The following PAX1 variants were observed in gnomAD, a reference collection of about 807,000 sequenced individuals.
PAX1 encodes paired box 1.
Under a neutral mutation model 35.6 loss-of-function variants are expected in PAX1, and 18 were observed. That is an observed-to-expected ratio of 0.50 (90% CI 0.35 to 0.75). The LOEUF (loss-of-function observed/expected upper bound fraction) is 0.75, where lower values mean the gene tolerates loss of function less well. PAX1 is among the 30% of genes least tolerant of loss of function. The probability of loss-of-function intolerance (pLI) is 0.01; values close to 1 mark genes in which losing one functional copy is unlikely to be tolerated. For synonymous variants in PAX1, 397 were observed against 305.2 expected, an observed-to-expected ratio of 1.30 and a Z score of -3.14; for missense variants, 760 against 661.5, an observed-to-expected ratio of 1.15 and a Z score of -1.63.
rs929136580 is a variant in PAX1, at chr20:21,708,628, G to A, written c.987G>A (p.Thr329=). 5 of 1,613,444 alleles carry A rather than the reference G, an allele frequency of 3.1e-6. No individual in the cohort carries two copies. The African/African-American group carries it at 5.3e-5, about 17-fold the overall frequency. The change falls in exon 3 of 5, where the codon ACG becomes ACA. Residue 329 remains threonine, a synonymous_variant. Transcript: ENST00000613128. ...KMEDWAGVNR[T]AFPATPAVNG... is the part of the protein sequence containing the mutation. Reference sequence around the variant, plus strand: ...AAGACTGGGCCGGCGTGAACCGCACGGCCTTCCCCGCCACCCCCGCAGTGA... The same window carrying A: ...AAGACTGGGCCGGCGTGAACCGCACAGCCTTCCCCGCCACCCCCGCAGTGA...
intron 4 of PAX1, among the ~76,000 whole-genome samples, chr20:21,709,923 T>A (rs1229773595): frequency 5.3e-5 from 8 of 151,994 alleles, no homozygotes; most frequent in Non-Finnish European, 1.5e-5. Context: ...ACCCTTCCCG[T>A]CTCTGCCCCA....
chr20:21,708,417 G>T (rs1394309360), intron 2 of PAX1, 141 bp from the exon 3 acceptor site: 2 of 938,648 alleles, frequency 2.1e-6, no homozygotes, highest in Non-Finnish European at 1.8e-6. Context: ...AGTCCCTGCC[G>T]CCTCCTGGTG....
At chr20:21,711,661 T>C (rs1985201958) in intron 4 of PAX1, among the ~76,000 whole-genome samples, 1 of 152,222 alleles carries the variant, frequency 6.6e-6, no homozygotes, top group Non-Finnish European at 1.5e-5. Context: ...GGGGACACCA[T>C]TAGCAATGAT....
intron 4 of PAX1, among the ~76,000 whole-genome samples, chr20:21,709,727 G>A (rs1264157564): frequency 1.3e-5 from 2 of 152,054 alleles, no homozygotes; most frequent in African/African-American, 4.8e-5. Flanking sequence ...CACACAGGAC[G>A]CGTGGGTTTG....
intron 4 of PAX1, among the ~76,000 whole-genome samples, chr20:21,710,918 C>A (rs1024200531): frequency 6.6e-6 from 1 of 152,118 alleles, no homozygotes; most frequent in Admixed American, 6.5e-5. Context: ...AGGATACTAT[C>A]ATTTACTCAT....
At position 21,709,282 on chromosome 20, in the gene PAX1, A is replaced by C. The variant is rs759267201; in HGVS notation, c.1120A>C (p.Asn374His). The part of the protein sequence containing the change: ...FLPACAYPAS[N>H]QHGVYSAPGG... Reference sequence around the variant, plus strand: ...CCCCGCCTGCGCCTACCCGGCCTCCAACCAGCACGGCGTGTACAGCGCCCC... The same window carrying C: ...CCCCGCCTGCGCCTACCCGGCCTCCCACCAGCACGGCGTGTACAGCGCCCC... The change falls in exon 4 of 5, where the codon AAC (asparagine) becomes CAC (histidine). Residue 374 changes from asparagine (N) to histidine (H), a missense_variant. Asn to His is a moderately conservative substitution (Grantham distance 68, BLOSUM62 1). This residue lies in a region of PAX1 where 490 missense variants were observed against 428.4 expected (regional missense o/e 1.14). Coordinates refer to ENST00000613128, the MANE Select transcript of PAX1 (RefSeq NM_001257096.2). 1 of 1,605,462 alleles carries C rather than the reference A, an allele frequency of 6.2e-7. No individual in the cohort carries two copies. The highest frequency in any genetic ancestry group is 8.5e-7 in the Non-Finnish European group (1 of 1,179,674).
In PAX1 at chr20:21,706,560, A is replaced by C; in HGVS notation, c.409A>C (p.Ser137Arg). 6.2e-7 allele frequency: 1 copy of C among 1,612,322 alleles called. No individual in the cohort carries two copies. Among genetic ancestry groups the C allele is most frequent in the Non-Finnish European group, 8.5e-7 (1 of 1,179,998 alleles). ...GCTGGGCATCCGACCCTGTGACATC[A>C]GTCGGCAGCTCCGCGTATCCCACGG... ...AQLGIRPCDI[S>R]RQLRVSHGCV... Residue 137 changes from serine (S) to arginine (R), a missense_variant, in exon 2 of 5, where the codon AGT becomes CGT. Coordinates refer to ENST00000613128, the MANE Select transcript of PAX1 (RefSeq NM_001257096.2). The surrounding 1 kb of genome is among the most constrained non-coding windows in gnomAD (Gnocchi z 5.3).
rs1390951755 is a variant in PAX1 at position 21,714,605 on chromosome 20, G to A, written c.*43G>A. 1.3e-6 allele frequency: 2 copies of A among 1,556,624 alleles called. No homozygotes were observed. Among genetic ancestry groups the A allele is most frequent in the African/African-American group, 1.4e-5 (1 of 73,606 alleles). ...CCCGAGCCCGGAGGGAACGGCAGGC[G>A]GACCCGGGCGCACAGGTCTGCGCGG... On this transcript the variant is annotated 3_prime_UTR_variant, in exon 5 of 5. Coordinates refer to ENST00000613128, the MANE Select transcript of PAX1 (RefSeq NM_001257096.2).
Position 21,708,574 on chromosome 20 carries a change from C to A in PAX1, c.933C>A (p.Ser311Arg), listed in dbSNP as rs1213639700. ...CTCCTGCAGGGGCCCTGGCTGGGAG[C>A]GAAGGCACCGCTTACTCTCCCAAGA... Reference protein sequence around the residue: ...FMEQTGALAGSEGTAYSPKME... With the variant: ...FMEQTGALAGREGTAYSPKME... Residue 311 changes from serine (S) to arginine (R), a missense_variant, in exon 3 of 5, where the codon AGC (serine) becomes AGA (arginine). Physicochemically the swap from Ser to Arg is moderately radical, Grantham distance 110. Coordinates refer to ENST00000613128, the MANE Select transcript of PAX1 (RefSeq NM_001257096.2). 6.2e-7 allele frequency: 1 copy of A among 1,613,730 alleles called. No homozygotes were observed. The highest frequency in any genetic ancestry group is 1.7e-5 in the Admixed American group (1 of 60,036).
chr20:21,713,603 C>G (rs755489700), intron 4 of PAX1, among the ~76,000 whole-genome samples: 2 of 152,158 alleles, frequency 1.3e-5, no homozygotes, highest in Non-Finnish European at 2.9e-5. Context: ...TAGGTATAAA[C>G]AAACTGTGGA....
chr20:21,711,473 A>T (rs191568236), intron 4 of PAX1, among the ~76,000 whole-genome samples: 1 of 152,258 alleles, frequency 6.6e-6, no homozygotes, highest in African/African-American at 2.4e-5. Flanking sequence ...ATACAGGGTC[A>T]TTGAATGGTG....
chr20:21,707,216 TGGGC>T lies in PAX1; in HGVS notation c.916+150_916+153del, dbSNP rs1395007395. 2.5e-4 allele frequency: 222 copies of T among 880,680 alleles called. 3 individuals carry two copies. The Middle Eastern group carries it at 9.1e-3, about 36-fold the overall frequency. 54.6% of individuals were successfully genotyped at this position (880,680 alleles called of 1,614,324 possible). ...CACTGGCCAGGGAGGCTGGGGGTCC[TGGGC>T]CTTTTGTAAGAGACCTCGGACATCT... On this transcript the variant is annotated intron_variant, in intron 2 of 4. Transcript: ENST00000613128.
At chr20:21,707,142 C>T (rs1037206256) in intron 2 of PAX1, 75 bp downstream of exon 2, 5 of 1,556,788 alleles carry the variant, frequency 3.2e-6, no homozygotes, top group East Asian at 4.6e-5. Context: ...GGAGAGGACT[C>T]ACACTCGCTC....
rs1157724772 is a variant in PAX1, at chr20:21,705,994, T to A, written c.282T>A (p.Ala94=). The change falls in exon 1 of 5, where the codon GCT becomes GCA. Residue 94 remains alanine (A), a synonymous_variant. Transcript: ENST00000613128. ...CCAGGCAGCTGGCCGGCCCGCTCGC[T>A]ATGGGTAAGGGGCGGGCGACAGGCA... is the stretch of plus-strand genomic sequence containing the variant. The part of the protein sequence containing the change: ...PGARQLAGPL[A]MEQTYGEVNQ... 2.7e-6 allele frequency: 4 copies of A among 1,476,642 alleles called. No individual in the cohort carries two copies. The highest frequency in any genetic ancestry group is 2.7e-6 in the Non-Finnish European group (3 of 1,122,222). 91.5% of individuals were successfully genotyped at this position (1,476,642 alleles called of 1,614,324 possible).
intron 4 of PAX1, among the ~76,000 whole-genome samples, chr20:21,709,922 G>A (rs1985146807): frequency 1.3e-5 from 2 of 151,948 alleles, no homozygotes; most frequent in Non-Finnish European, 2.9e-5. Context: ...GACCCTTCCC[G>A]TCTCTGCCCC....
rs1315529240 is a variant in PAX1, at chr20:21,716,235, G to C, written c.*1673G>C. 1 of 151,998 alleles carries C rather than the reference G, an allele frequency of 6.6e-6. No homozygotes were observed. The highest frequency in any genetic ancestry group is 1.9e-4 in the East Asian group (1 of 5,176). 9.4% of individuals were successfully genotyped at this position (151,998 alleles called of 1,614,324 possible). A position where few individuals can be genotyped will look rare whatever the true frequency, so the allele number is the denominator to read the frequency against. On this transcript the variant is annotated 3_prime_UTR_variant, in exon 5 of 5. Coordinates refer to ENST00000613128, the MANE Select transcript of PAX1 (RefSeq NM_001257096.2). ...CCCAGGCTACCAAGTAATCTAGGGG[G>C]TTTGCACTACAAAGGGGCTTCCGGC...
Position 21,706,693 on chromosome 20 carries a change from T to A in PAX1, c.542T>A (p.Ile181Asn). Residue 181 changes from isoleucine (I) to asparagine (N), a missense_variant, in exon 2 of 5, where the codon ATC becomes AAC. Physicochemically the swap from Ile to Asn is moderately radical, Grantham distance 149. This residue lies in a region of PAX1 where 490 missense variants were observed against 428.4 expected (regional missense o/e 1.14). Transcript: ENST00000613128. This position sits in a 1 kb window ranked among gnomAD's most constrained non-coding sequence, Gnocchi z 5.3. Reference protein sequence around the residue: ...RVTTPNVVKHIRDYKQGDPGI... With the variant: ...RVTTPNVVKHNRDYKQGDPGI... ...ACCACTCCCAACGTGGTCAAGCACA[T>A]CCGGGACTACAAGCAAGGAGACCCT... is the stretch of plus-strand genomic sequence containing the variant. 6.2e-7 allele frequency: 1 copy of A among 1,613,294 alleles called. No homozygotes were observed. Among genetic ancestry groups the A allele is most frequent in the Non-Finnish European group, 8.5e-7 (1 of 1,180,016 alleles).
intron 4 of PAX1, among the ~76,000 whole-genome samples, chr20:21,711,219 A>G (rs1236078030): frequency 6.6e-6 from 1 of 152,266 alleles, no homozygotes; most frequent in Non-Finnish European, 1.5e-5. Context: ...AGACTTAGAA[A>G]AAAGACCCAC....
chr20:21,713,384 G>C (rs112431044), intron 4 of PAX1, among the ~76,000 whole-genome samples: 2 of 137,690 alleles, frequency 1.5e-5, no homozygotes, highest in Admixed American at 1.4e-4. Flanking sequence ...TTTTTTTTTT[G>C]TGTGTGTGTG....
Sources: gnomAD v4.1 joint callset for allele counts (sites outside exome capture counted in the v4.1 genomes callset) on GRCh38, gnomAD v4.1.1 for gene constraint, gnomAD v4.1.1 regional missense constraint, Gnocchi (gnomAD v3.1) non-coding constraint, MANE v1.5 for transcripts, NCBI Gene and HGNC (gene_info 2026-07-23, HGNC 2026-07-21) for gene names.